Variants in PATJ observed in about 807,000 individuals in gnomAD.
The protein encoded by PATJ is inaD-like protein.
A neutral mutation model predicts 224.9 loss-of-function variants in PATJ; 190 were observed. The ratio of observed to expected loss-of-function variants is 0.84; its 90% CI spans 0.75 to 0.95. PATJ has a LOEUF of 0.95. Ranked by LOEUF, PATJ falls within the 40% of genes least tolerant of loss-of-function variation. PATJ has a pLI of 0.00. For synonymous variants in PATJ, 769 were observed against 820.3 expected (o/e 0.94, Z 1.07); for missense variants, 2,121 against 2,270.3 (o/e 0.93, Z 1.34).
chr1:62,117,483 G>A (rs563449812), intron 37 of PATJ: 20 of 1,111,984 alleles, frequency 1.8e-5, no homozygotes, highest in South Asian at 4.9e-5. Context: ...GCCTATGCAC[G>A]CATGTACACA....
chr1:61,811,449 C>T (rs530366975), intron 14 of PATJ, among the ~76,000 whole-genome samples: 22 of 151,802 alleles, frequency 1.4e-4, no homozygotes, highest in Non-Finnish European at 2.6e-4. Context: ...AAGCTGGTCT[C>T]GAACTCCTGC....
intron 17 of PATJ, among the ~76,000 whole-genome samples, chr1:61,844,409 A>C (rs1177451189): frequency 9.2e-5 from 14 of 152,146 alleles, no homozygotes; most frequent in Admixed American, 9.2e-4. Flanking sequence ...TTTTATTTGG[A>C]AAACATGGCC....
At chr1:62,124,578 T>TTAA (rs921933001) in intron 39 of PATJ, among the ~76,000 whole-genome samples, 1 of 152,214 alleles carries the variant, frequency 6.6e-6, no homozygotes, top group African/African-American at 2.4e-5. Flanking sequence ...TCTGCAGTTA[T>TTAA]AAAACACCAC....
intron 25 of PATJ, among the ~76,000 whole-genome samples, chr1:61,913,074 C>G (rs909187710): frequency 6.6e-6 from 1 of 152,098 alleles, no homozygotes; most frequent in African/African-American, 2.4e-5. Flanking sequence ...CTGAGACTTT[C>G]TCATTCTAAA....
chr1:62,150,640 G>A (rs1347584787), intron 42 of PATJ, among the ~76,000 whole-genome samples: 1 of 128,486 alleles, frequency 7.8e-6, no homozygotes, highest in Non-Finnish European at 1.6e-5. Context: ...TTGTGCCACT[G>A]TACTCCAGCC....
At chr1:61,957,787 A>G (rs1250754665) in intron 27 of PATJ, among the ~76,000 whole-genome samples, 2 of 152,308 alleles carry the variant, frequency 1.3e-5, no homozygotes, top group East Asian at 1.9e-4. Flanking sequence ...GAGCTCTCTC[A>G]AGTAAGTTTG....
chr1:62,109,338 G>A (rs985825223), intron 34 of PATJ, among the ~76,000 whole-genome samples: 1 of 151,570 alleles, frequency 6.6e-6, no homozygotes, highest in African/African-American at 2.4e-5. Context: ...TTTTCCCTTT[G>A]GTGGTTCATT....
intron 1 of PATJ, among the ~76,000 whole-genome samples, chr1:61,758,564 C>T (rs1344799304): frequency 6.6e-6 from 1 of 152,106 alleles, no homozygotes; most frequent in Admixed American, 6.6e-5. Context: ...GCCAGCTAGT[C>T]TGGAACTTCT....
chr1:61,814,199 A>G (rs958037951), intron 14 of PATJ, among the ~76,000 whole-genome samples: 2 of 135,592 alleles, frequency 1.5e-5, no homozygotes, highest in African/African-American at 5.6e-5. Flanking sequence ...GTTGGAGTGC[A>G]ATGGCACCAT....
rs1418723109 is a variant in PATJ at position 61,864,637 on chromosome 1, A to T, written c.2835+4A>T. 6.3e-7 allele frequency: 1 copy of T among 1,584,568 alleles called. No homozygotes were observed. The highest frequency in any genetic ancestry group is 1.1e-5 in the South Asian group (1 of 90,108). On this transcript the variant is annotated splice_donor_region_variant and intron_variant, in intron 20 of 43. Coordinates refer to ENST00000642238, the MANE Select transcript of PATJ (RefSeq NM_001350145.3). The stretch of plus-strand genomic sequence containing the variant: ...TGGCTATTGCCCTGAAAATGTGGTA[A>T]GAGATTAGAATAGATATTCCACACC...
intron 29 of PATJ, among the ~76,000 whole-genome samples, chr1:62,021,924 A>G (rs1402237380): frequency 6.6e-6 from 1 of 152,218 alleles, no homozygotes; most frequent in African/African-American, 2.4e-5. Context: ...TAGTTTTTAT[A>G]AATTGTATTT....
At chr1:61,883,724 C>T (rs1388180768) in intron 21 of PATJ, among the ~76,000 whole-genome samples, 2 of 146,706 alleles carry the variant, frequency 1.4e-5, no homozygotes, top group East Asian at 4.0e-4. Context: ...CGACTGCACT[C>T]CAGCCTGGGC....
chr1:61,985,405 G>A (rs567560612), intron 27 of PATJ, among the ~76,000 whole-genome samples: 1 of 152,058 alleles, frequency 6.6e-6, no homozygotes, highest in African/African-American at 2.4e-5. Flanking sequence ...ATTTTTTGAG[G>A]GTATTTTAAG....
intron 16 of PATJ, among the ~76,000 whole-genome samples, chr1:61,829,021 C>T (rs1392497303): frequency 2.0e-5 from 3 of 152,120 alleles, no homozygotes; most frequent in Non-Finnish European, 2.9e-5. Context: ...ATGCCTTGTA[C>T]GTGGGAAGTG....
At chr1:61,952,090 G>A (rs1679771677) in intron 27 of PATJ, 2 of 394,012 alleles carry the variant, frequency 5.1e-6, no homozygotes, top group African/African-American at 2.0e-5. Flanking sequence ...AGGGTCTGAT[G>A]TGGGAAACCA....
chr1:61,795,598 A>G, intron 10 of PATJ, 40 bp downstream of exon 10: 1 of 1,197,940 alleles, frequency 8.3e-7, no homozygotes, highest in African/African-American at 1.5e-5. Context: ...ATTCTAGTTG[A>G]AAAAAAGGTT....
At chr1:61,903,829 G>C (rs1409638425) in intron 24 of PATJ, among the ~76,000 whole-genome samples, 1 of 147,128 alleles carries the variant, frequency 6.8e-6, no homozygotes, top group Non-Finnish European at 1.5e-5. Context: ...CTGGAGTGCA[G>C]TGGCGCAATC....
intron 21 of PATJ, among the ~76,000 whole-genome samples, chr1:61,881,712 C>T (rs988680882): frequency 2.6e-5 from 4 of 152,058 alleles, no homozygotes; most frequent in Admixed American, 6.6e-5. Context: ...GCACCCAGCC[C>T]GCTCTTTAGG....
intron 5 of PATJ, among the ~76,000 whole-genome samples, chr1:61,770,725 C>A (rs1646552257): frequency 6.6e-6 from 1 of 151,838 alleles, no homozygotes. Context: ...GCCTGGGTAA[C>A]ATAGCAAAAC....
Sources: allele counts gnomAD v4.1 joint callset (sites outside exome capture counted in the v4.1 genomes callset), GRCh38; gene constraint gnomAD v4.1.1; transcripts MANE v1.5; gene names NCBI Gene and HGNC (gene_info 2026-07-23, HGNC 2026-07-21).